Variants in MPV17L observed in about 807,000 individuals in gnomAD.
MPV17L encodes mpv17-like protein.
MPV17L carries 24 observed loss-of-function variants against 25.8 expected under a neutral mutation model. That is an observed-to-expected ratio of 0.93 (90% CI 0.67 to 1.31). The LOEUF (loss-of-function observed/expected upper bound fraction) is 1.31. MPV17L is among the 50% of genes most tolerant of loss of function. MPV17L has a pLI of 0.00. For missense variants in MPV17L, 250 were observed against 265.6 expected, an observed-to-expected ratio of 0.94 and a Z score of 0.41; for synonymous variants, 102 against 115.3, an observed-to-expected ratio of 0.88 and a Z score of 0.74.
In MPV17L at chr16:15,411,756, C is replaced by A. The variant is rs2050735555; in HGVS notation, c.*3644C>A. 1 of 151,792 alleles carries A rather than the reference C, an allele frequency of 6.6e-6. No individual in the cohort carries two copies. Among genetic ancestry groups the A allele is most frequent in the African/African-American group, 2.4e-5 (1 of 41,290 alleles). 9.4% of individuals were successfully genotyped at this position (151,792 alleles called of 1,614,324 possible). A position where few individuals can be genotyped will look rare whatever the true frequency, so the allele number is the denominator to read the frequency against. ...ATCGGTTGAGGTCAGGAGTTCAAGA[C>A]CAGCATGGCCAACACAGTGAAACCC... On this transcript the variant is annotated 3_prime_UTR_variant, in exon 4 of 4. Coordinates refer to ENST00000396385, the MANE Select transcript of MPV17L (RefSeq NM_001128423.2).
intron 2 of MPV17L, among the ~76,000 whole-genome samples, chr16:15,407,482 C>A (rs547566231): frequency 9.1e-5 from 13 of 142,390 alleles, no homozygotes; most frequent in Admixed American, 7.6e-4. Flanking sequence ...GTGGCTCACA[C>A]CTGTAATCCC....
intron 1 of MPV17L, among the ~76,000 whole-genome samples, chr16:15,396,456 G>T (rs1427398513): frequency 6.6e-6 from 1 of 152,218 alleles, no homozygotes; most frequent in African/African-American, 2.4e-5. Flanking sequence ...GGGAGCCAGA[G>T]GTCCACCAGG....
rs747224742 is a variant in MPV17L at position 15,396,177 on chromosome 16, G to GCGC, written c.282_284dup (p.Pro95dup). Reference sequence around the variant, plus strand: ...GTTGCTGTGCGACCAGGTGGTCGGTGCGCCCATCGCGGTCTCGGCCTTCTA... The same window carrying GCGC: ...GTTGCTGTGCGACCAGGTGGTCGGTGCGCCGCCCATCGCGGTCTCGGCCTTCTA... On this transcript the variant is annotated inframe_insertion, in exon 1 of 4. Coordinates refer to ENST00000396385, the MANE Select transcript of MPV17L (RefSeq NM_001128423.2). 2.5e-5 allele frequency: 39 copies of GCGC among 1,550,110 alleles called. No individual in the cohort carries two copies. The South Asian group carries it at 4.5e-4, about 18-fold the overall frequency.
chr16:15,405,996 C>T (rs868421011), intron 2 of MPV17L, among the ~76,000 whole-genome samples: 1 of 151,964 alleles, frequency 6.6e-6, no homozygotes, highest in African/African-American at 2.4e-5. Context: ...CGAGACCAGC[C>T]TGGCCAATAT....
chr16:15,401,068 A>G (rs2050631622), intron 2 of MPV17L, among the ~76,000 whole-genome samples: 1 of 35,602 alleles, frequency 2.8e-5, no homozygotes, highest in Admixed American at 4.6e-4. Context: ...GTATATATAT[A>G]TATATATATA....
At chr16:15,400,507 C>A (rs2050624314) in intron 1 of MPV17L, among the ~76,000 whole-genome samples, 1 of 151,868 alleles carries the variant, frequency 6.6e-6, no homozygotes, top group Non-Finnish European at 1.5e-5. Context: ...CGCTACTACA[C>A]CTGGCTAATT....
rs1274070431 is a variant in MPV17L, at chr16:15,412,739, A to T, written c.*4627A>T. On this transcript the variant is annotated 3_prime_UTR_variant, in exon 4 of 4. Coordinates refer to ENST00000396385, the MANE Select transcript of MPV17L (RefSeq NM_001128423.2). The stretch of plus-strand genomic sequence containing the variant: ...AGGCGCCCGCCACCATGACCCACTA[A>T]TTTTTTTTTTTTTTGGATTTTTAGT... 7 of 144,620 alleles carry T rather than the reference A, an allele frequency of 4.8e-5. No homozygotes were observed. Among genetic ancestry groups the T allele is most frequent in the African/African-American group, 1.3e-4 (5 of 39,292 alleles). 9.0% of individuals were successfully genotyped at this position (144,620 alleles called of 1,614,324 possible). A position where few individuals can be genotyped will look rare whatever the true frequency, so the allele number is the denominator to read the frequency against.
At position 15,396,025 on chromosome 16, in the gene MPV17L, C is replaced by A. The variant is rs763405019; in HGVS notation, c.128C>A (p.Ala43Asp). Residue 43 changes from alanine to aspartate, a missense_variant, in exon 1 of 4, where the codon GCC (alanine) becomes GAC (aspartate). Ala to Asp is a moderately radical substitution (Grantham distance 126). Coordinates refer to ENST00000396385, the MANE Select transcript of MPV17L (RefSeq NM_001128423.2). ...CAACAGCGGCTGCAGGGCCGCGAGG[C>A]CAACTGGCGCCAGACGCGGCGCGTG... ...ALQQRLQGRE[A>D]NWRQTRRVAT... 9.6e-5 allele frequency: 147 copies of A among 1,529,884 alleles called. No individual in the cohort carries two copies. Among genetic ancestry groups the A allele is most frequent in the Non-Finnish European group, 1.2e-4 (140 of 1,143,750 alleles). 94.8% of individuals were successfully genotyped at this position (1,529,884 alleles called of 1,614,324 possible).
rs1323680511 is a variant in MPV17L, at chr16:15,395,815, G to A, written c.-83G>A. 1.5e-5 allele frequency: 19 copies of A among 1,249,760 alleles called. No homozygotes were observed. The East Asian group carries it at 5.0e-4, about 33-fold the overall frequency. The allele number at this position is 1,249,760 out of a possible 1,614,324, so 77.4% of individuals were successfully genotyped here. ...TGCCGGCTGCTGCAGTGCAGTAGCTGCTGGAGGCTGGGGAGGCCCGGACCC... is the reference window on the plus strand; with the variant it reads ...TGCCGGCTGCTGCAGTGCAGTAGCTACTGGAGGCTGGGGAGGCCCGGACCC... On this transcript the variant is annotated 5_prime_UTR_variant, in exon 1 of 4. Transcript: ENST00000396385.
chr16:15,413,055 ATGTT>A lies in MPV17L; in HGVS notation c.*4946_*4949del, dbSNP rs1316516069. ...AAAATGTTATGTGAATTTCTACAGAATGTTTGCTAGAATGAATTATATCTAGGAT... is the reference window on the plus strand; with the variant it reads ...AAAATGTTATGTGAATTTCTACAGAATGCTAGAATGAATTATATCTAGGAT... On this transcript the variant is annotated 3_prime_UTR_variant, in exon 4 of 4. Transcript: ENST00000396385. The A allele has an allele frequency of 2.0e-5, 3 of 152,178 alleles. No homozygotes were observed. Among genetic ancestry groups the A allele is most frequent in the South Asian group, 2.1e-4 (1 of 4,830 alleles). The allele number at this position is 152,178 out of a possible 1,614,324, so 9.4% of individuals were successfully genotyped here.
intron 2 of MPV17L, among the ~76,000 whole-genome samples, chr16:15,406,139 G>C (rs1460259678): frequency 1.3e-5 from 2 of 151,758 alleles, no homozygotes; most frequent in Non-Finnish European, 2.9e-5. Context: ...AGTGAGCCAA[G>C]ATCGCACCAT....
chr16:15,407,772 A>T (rs1320958481), intron 2 of MPV17L, 52 bp from the exon 3 acceptor site: 23 of 1,526,662 alleles, frequency 1.5e-5, no homozygotes, highest in South Asian at 8.5e-5. Flanking sequence ...AATAAATAAA[A>T]AATAAAAGGC....
chr16:15,399,196 A>G (rs941381924), intron 1 of MPV17L, among the ~76,000 whole-genome samples: 1 of 152,036 alleles, frequency 6.6e-6, no homozygotes, highest in African/African-American at 2.4e-5. Context: ...CACGTAAACT[A>G]CATAGCATTT....
Position 15,403,293 on chromosome 16 carries a change from C to T in MPV17L, c.381+2436C>T, listed in dbSNP as rs1199727278. On this transcript the variant is annotated intron_variant, in intron 2 of 3. Coordinates refer to ENST00000396385, the MANE Select transcript of MPV17L (RefSeq NM_001128423.2). ...CTGAGGCAGGAGAATCACTTGAACC[C>T]GGGAGGCAGAGACTGTAGTGAGCTG... Among the ~76,000 whole-genome samples, 13 of 144,390 alleles carry T rather than the reference C, an allele frequency of 9.0e-5. 1 individual carries two copies. In the South Asian group the frequency reaches 9.0e-4, roughly 10 times the overall value. 94.7% of individuals were successfully genotyped at this position (144,390 alleles called of 152,430 possible).
Position 15,409,790 on chromosome 16 carries a change from G to A in MPV17L, c.*1678G>A, listed in dbSNP as rs1376805590. ...GGCCTCCCAAGGTGCTGGGATTATAGGCATGAGCCACCGCACCTGGCTCAG... is the reference window on the plus strand; with the variant it reads ...GGCCTCCCAAGGTGCTGGGATTATAAGCATGAGCCACCGCACCTGGCTCAG... On this transcript the variant is annotated 3_prime_UTR_variant, in exon 4 of 4. Transcript: ENST00000396385. The A allele has an allele frequency of 2.0e-5, 3 of 152,228 alleles. No homozygotes were observed. Among genetic ancestry groups the A allele is most frequent in the East Asian group, 1.9e-4 (1 of 5,204 alleles). 9.4% of individuals were successfully genotyped at this position (152,228 alleles called of 1,614,324 possible). A position where few individuals can be genotyped will look rare whatever the true frequency, so the allele number is the denominator to read the frequency against.
Position 15,409,704 on chromosome 16 carries a change from C to A in MPV17L, c.*1592C>A, listed in dbSNP as rs2050716305. ...GCTCATACAAAGCCTGTTTGGTGGC[C>A]TCTTCACACGGACACGTGAGACAGT... On this transcript the variant is annotated 3_prime_UTR_variant, in exon 4 of 4. Coordinates refer to ENST00000396385, the MANE Select transcript of MPV17L (RefSeq NM_001128423.2). 1.3e-5 allele frequency: 2 copies of A among 152,222 alleles called. No individual in the cohort carries two copies. The highest frequency in any genetic ancestry group is 4.8e-5 in the African/African-American group (2 of 41,458). 9.4% of individuals were successfully genotyped at this position (152,222 alleles called of 1,614,324 possible).
chr16:15,402,681 T>G (rs1014597130), intron 2 of MPV17L, among the ~76,000 whole-genome samples: 3 of 152,300 alleles, frequency 2.0e-5, no homozygotes, highest in African/African-American at 7.2e-5. Context: ...TTGGTTTTTT[T>G]GTTTGTTTGT....
chr16:15,402,431 C>T (rs952885314), intron 2 of MPV17L, among the ~76,000 whole-genome samples: 1 of 152,194 alleles, frequency 6.6e-6, no homozygotes, highest in African/African-American at 2.4e-5. Context: ...GCTATTACCT[C>T]CACAGCTTCT....
chr16:15,397,264 ATAGTCGTGAAG>A (rs1893986766), intron 1 of MPV17L, among the ~76,000 whole-genome samples: 1 of 152,116 alleles, frequency 6.6e-6, no homozygotes, highest in Admixed American at 6.6e-5. Context: ...TGCATAGGTT[ATAGTCGTGAAG>A]CTATAGCTTC....
Sources: gnomAD v4.1 joint callset for allele counts (sites outside exome capture counted in the v4.1 genomes callset) on GRCh38, gnomAD v4.1.1 for gene constraint, MANE v1.5 for transcripts, NCBI Gene and HGNC (gene_info 2026-07-23, HGNC 2026-07-21) for gene names.